PDE11A: variants seen among roughly 807,000 people sequenced by gnomAD.
The protein encoded by PDE11A is dual 3',5'-cyclic-AMP and -GMP phosphodiesterase 11A.
PDE11A carries 100 observed loss-of-function variants against 100.5 expected under a neutral mutation model. The ratio of observed to expected loss-of-function variants is 1.00; its 90% CI spans 0.85 to 1.18. The LOEUF is 1.18. PDE11A is among the 50% of genes most tolerant of loss of function. The pLI is 0.00. For synonymous variants in PDE11A, 381 were observed against 420.8 expected (o/e 0.91, Z 1.16); for missense variants, 1,141 against 1,152.6 (o/e 0.99, Z 0.15).
At chr2:177,691,859 G>A (rs985776967) in intron 15 of PDE11A, among the ~76,000 whole-genome samples, 1 of 152,096 alleles carries the variant, frequency 6.6e-6, no homozygotes, top group Non-Finnish European at 1.5e-5. Context: ...CCTAGAATTT[G>A]TGATACAAGA....
At chr2:177,970,259 C>T (rs577137254) in intron 2 of PDE11A, among the ~76,000 whole-genome samples, 6 of 152,144 alleles carry the variant, frequency 3.9e-5, no homozygotes, top group East Asian at 3.9e-4. Flanking sequence ...TAAACTGACA[C>T]GTTTACATTA....
chr2:178,000,918 T>G (rs1488613664), intron 2 of PDE11A, among the ~76,000 whole-genome samples: 1 of 152,128 alleles, frequency 6.6e-6, no homozygotes, highest in African/African-American at 2.4e-5. Context: ...GTCCCAAAAG[T>G]GAAGATGCAA....
At chr2:177,635,098 G>A (rs1236935508) in intron 19 of PDE11A, among the ~76,000 whole-genome samples, 2 of 152,178 alleles carry the variant, frequency 1.3e-5, no homozygotes, top group Non-Finnish European at 1.5e-5. Flanking sequence ...GAGGCAGTGC[G>A]TGCACAACCT....
intron 5 of PDE11A, among the ~76,000 whole-genome samples, chr2:177,870,901 C>A (rs931689546): frequency 6.6e-6 from 1 of 152,080 alleles, no homozygotes; most frequent in African/African-American, 2.4e-5. Flanking sequence ...CTGTATTCTC[C>A]CAGTTAGTGA....
chr2:178,031,211 A>G (rs1350165700), intron 1 of PDE11A, among the ~76,000 whole-genome samples: 11 of 152,200 alleles, frequency 7.2e-5, no homozygotes. Context: ...GGGGATCTCA[A>G]AAAACCCACA....
At chr2:177,793,948 A>C (rs185293702) in intron 9 of PDE11A, among the ~76,000 whole-genome samples, 70 of 152,324 alleles carry the variant, frequency 4.6e-4, no homozygotes, top group African/African-American at 1.4e-3. Context: ...TTTCTCAGTC[A>C]ACAAATATTT....
chr2:177,926,967 TC>T (rs375361344), intron 2 of PDE11A: 5 of 152,376 alleles, frequency 3.3e-5, no homozygotes, highest in African/African-American at 1.2e-4. Context: ...TCTCCTCTTC[TC>T]TCTGCCACCA....
chr2:177,853,635 CATATATATATATATATATATAT>C (rs371434526), intron 5 of PDE11A, among the ~76,000 whole-genome samples: 1,197 of 36,274 alleles, frequency 0.033, 45 homozygotes, highest in East Asian at 0.23. Context: ...ACAAGTCCTG[CATATATATATATATATATATAT>C]ATATATATAT....
chr2:177,706,659 T>A (rs556472331), intron 13 of PDE11A, among the ~76,000 whole-genome samples: 5 of 152,302 alleles, frequency 3.3e-5, no homozygotes, highest in South Asian at 2.1e-4. Flanking sequence ...CAAAAATGAC[T>A]CCATAAGGTA....
chr2:177,718,985 T>C (rs1441653477), intron 12 of PDE11A, among the ~76,000 whole-genome samples: 1 of 152,202 alleles, frequency 6.6e-6, no homozygotes, highest in African/African-American at 2.4e-5. Context: ...ACATAGAATC[T>C]GGTTACCCTT....
At chr2:178,006,256 G>A (rs1452972301) in intron 2 of PDE11A, among the ~76,000 whole-genome samples, 1 of 152,190 alleles carries the variant, frequency 6.6e-6, no homozygotes, top group African/African-American at 2.4e-5. Flanking sequence ...AGGAAACACT[G>A]TTAAAGACAA....
chr2:177,819,914 C>CTCT (rs2083109513), intron 7 of PDE11A, among the ~76,000 whole-genome samples: 3 of 142,378 alleles, frequency 2.1e-5, no homozygotes, highest in African/African-American at 5.4e-5. Flanking sequence ...CTCTCTCTGG[C>CTCT]TTTTTTTTTC....
intron 15 of PDE11A, among the ~76,000 whole-genome samples, chr2:177,684,660 A>C (rs1338626681): frequency 6.6e-6 from 1 of 152,200 alleles, no homozygotes; most frequent in Non-Finnish European, 1.5e-5. Flanking sequence ...TTAGTAAAAG[A>C]GTTATAGTAA....
At chr2:178,009,705 T>A (rs1486862629) in intron 2 of PDE11A, among the ~76,000 whole-genome samples, 1 of 152,208 alleles carries the variant, frequency 6.6e-6, no homozygotes, top group Non-Finnish European at 1.5e-5. Context: ...ATTATAGGTG[T>A]AGAATTTTCA....
At chr2:177,822,664 T>A (rs1420325032) in intron 6 of PDE11A, among the ~76,000 whole-genome samples, 3 of 152,116 alleles carry the variant, frequency 2.0e-5, no homozygotes, top group African/African-American at 7.2e-5. Flanking sequence ...ATTTTTTGAA[T>A]CTATCTGTTT....
At chr2:177,880,959 C>T (rs2084323258) in intron 4 of PDE11A, among the ~76,000 whole-genome samples, 1 of 152,246 alleles carries the variant, frequency 6.6e-6, no homozygotes, top group East Asian at 1.9e-4. Context: ...AAGGGGTGCC[C>T]AGATAGCTGG....
At chr2:177,882,445 G>A (rs1338475456) in intron 4 of PDE11A, among the ~76,000 whole-genome samples, 3 of 152,258 alleles carry the variant, frequency 2.0e-5, no homozygotes, top group African/African-American at 7.2e-5. Context: ...CTTTATTCCT[G>A]ACTTGGACCA....
At position 178,071,864 on chromosome 2, in the gene PDE11A, A is replaced by T. The variant is rs1320921617; in HGVS notation, c.574T>A (p.Tyr192Asn). Residue 192 changes from tyrosine (Y) to asparagine (N), a missense_variant, in exon 1 of 20, where the codon TAC (tyrosine) becomes AAC (asparagine). Tyr to Asn is a moderately radical substitution (Grantham distance 143). Coordinates refer to ENST00000286063, the MANE Select transcript of PDE11A (RefSeq NM_016953.4). ...TTATGCTTTTTCAGATGGCACTTGT[A>T]GTCGATGGCTGTAGGGGGATACCGA... ...LPRYPPTAID[Y>N]KCHLKKHNER... is the part of the protein sequence containing the mutation. 1 of 1,614,066 alleles carries T rather than the reference A, an allele frequency of 6.2e-7. No homozygotes were observed. Among genetic ancestry groups the T allele is most frequent in the African/African-American group, 1.3e-5 (1 of 75,054 alleles).
chr2:177,879,605 C>T (rs549430655), intron 4 of PDE11A, among the ~76,000 whole-genome samples: 1 of 152,288 alleles, frequency 6.6e-6, no homozygotes, highest in South Asian at 2.1e-4. Context: ...AATAAGTGCA[C>T]TTCTGGTTTC....
Sources: allele counts gnomAD v4.1 joint callset (sites outside exome capture counted in the v4.1 genomes callset), GRCh38; gene constraint gnomAD v4.1.1; transcripts MANE v1.5; gene names NCBI Gene and HGNC (gene_info 2026-07-23, HGNC 2026-07-21).